PTPRD: variants seen among roughly 807,000 people sequenced by gnomAD.
PTPRD encodes the protein receptor-type tyrosine-protein phosphatase delta.
Under a neutral mutation model 214.5 loss-of-function variants are expected in PTPRD, and 34 were observed. The ratio of observed to expected loss-of-function variants is 0.16; its 90% CI spans 0.12 to 0.21. The LOEUF is 0.21. Ranked by LOEUF, PTPRD falls within the 10% of genes least tolerant of loss-of-function variation. PTPRD has a pLI of 1.00. For synonymous variants in PTPRD, 1,128 were observed against 845.7 expected (o/e 1.33, Z -5.79); for missense variants, 2,545 against 2,398.7 (o/e 1.06, Z -1.27).
At chr9:10,375,187 T>C (rs146385043) in intron 2 of PTPRD, among the ~76,000 whole-genome samples, 104 of 152,186 alleles carry the variant, frequency 6.8e-4, no homozygotes, top group African/African-American at 2.3e-3. Flanking sequence ...CTGGGGCAAG[T>C]AACTAAATTT....
chr9:10,369,669 T>C (rs1435663285), intron 2 of PTPRD, among the ~76,000 whole-genome samples: 1 of 152,112 alleles, frequency 6.6e-6, no homozygotes, highest in African/African-American at 2.4e-5. Context: ...GACTGCTGCC[T>C]AGTCGCCCCA....
intron 14 of PTPRD, among the ~76,000 whole-genome samples, chr9:8,628,355 C>G (rs771585339): frequency 3.3e-5 from 5 of 151,774 alleles, no homozygotes; most frequent in Non-Finnish European, 5.9e-5. Context: ...CTAACAACTG[C>G]CATAATGGCT....
chr9:10,430,829 T>C (rs747058982), intron 2 of PTPRD, among the ~76,000 whole-genome samples: 1 of 152,010 alleles, frequency 6.6e-6, no homozygotes, highest in Non-Finnish European at 1.5e-5. Flanking sequence ...TAAGCCATCA[T>C]ACCCCTTTTT....
intron 10 of PTPRD, among the ~76,000 whole-genome samples, chr9:9,163,428 T>C (rs1343494067): frequency 6.6e-6 from 1 of 152,036 alleles, no homozygotes; most frequent in Non-Finnish European, 1.5e-5. Context: ...ACCTCTCACA[T>C]CTAGTAAATC....
At chr9:9,119,206 A>C (rs2099815246) in intron 10 of PTPRD, among the ~76,000 whole-genome samples, 1 of 152,230 alleles carries the variant, frequency 6.6e-6, no homozygotes, top group Non-Finnish European at 1.5e-5. Context: ...ATCATTTTAT[A>C]GGTTTACCAT....
intron 11 of PTPRD, among the ~76,000 whole-genome samples, chr9:8,892,680 T>A (rs1039439378): frequency 2.3e-5 from 2 of 88,170 alleles, no homozygotes; most frequent in Non-Finnish European, 4.8e-5. Context: ...TGTGTATATA[T>A]ATATGAGTGT....
rs117496832 is a variant in PTPRD at position 9,729,368 on chromosome 9, T to C, written c.-287+5165A>G. On this transcript the variant is annotated intron_variant, in intron 7 of 45. Coordinates refer to ENST00000381196, the MANE Select transcript of PTPRD (RefSeq NM_002839.4). Reference sequence around the variant, plus strand: ...GGAAGAGAAAGACTGAAAATGCACATAGAGGATTTTTATCTCCTCTGCACA... The same window carrying C: ...GGAAGAGAAAGACTGAAAATGCACACAGAGGATTTTTATCTCCTCTGCACA... Among the ~76,000 whole-genome samples, 328 of 152,206 alleles carry C rather than the reference T, an allele frequency of 2.2e-3. 12 individuals carry two copies. In the East Asian group the frequency reaches 0.046, roughly 21 times the overall value.
intron 8 of PTPRD, among the ~76,000 whole-genome samples, chr9:9,468,074 C>G (rs556663606): frequency 6.6e-6 from 1 of 152,060 alleles, no homozygotes; most frequent in Non-Finnish European, 1.5e-5. Context: ...TGGAAATTTA[C>G]TTCTTAGGAT....
intron 11 of PTPRD, among the ~76,000 whole-genome samples, chr9:8,794,515 T>G (rs1291581090): frequency 1.3e-5 from 2 of 151,422 alleles, no homozygotes; most frequent in South Asian, 2.1e-4. Flanking sequence ...AGCCATTTTT[T>G]TTTTTTTTTT....
At chr9:9,518,456 AC>A (rs1362241013) in intron 8 of PTPRD, among the ~76,000 whole-genome samples, 1 of 152,108 alleles carries the variant, frequency 6.6e-6, no homozygotes, top group Admixed American at 6.6e-5. Flanking sequence ...CAGTCATATA[AC>A]AAAATGCATA....
intron 11 of PTPRD, among the ~76,000 whole-genome samples, chr9:8,977,748 A>C (rs1436388893): frequency 6.6e-6 from 1 of 150,464 alleles, no homozygotes; most frequent in Non-Finnish European, 1.5e-5. Context: ...ATAGAAAGTG[A>C]GGTGCCAAGG....
At chr9:8,735,003 G>C (rs1262667791) in intron 11 of PTPRD, among the ~76,000 whole-genome samples, 2 of 152,076 alleles carry the variant, frequency 1.3e-5, no homozygotes, top group African/African-American at 2.4e-5. Context: ...GTTGGAATAG[G>C]GCCTCCCAAA....
At chr9:8,913,876 AG>A (rs1245876429) in intron 11 of PTPRD, among the ~76,000 whole-genome samples, 1 of 152,148 alleles carries the variant, frequency 6.6e-6, no homozygotes, top group Non-Finnish European at 1.5e-5. Flanking sequence ...GGACCATCTA[AG>A]TATTACCTGT....
intron 9 of PTPRD, among the ~76,000 whole-genome samples, chr9:9,230,161 G>A (rs1023101683): frequency 4.6e-5 from 7 of 152,052 alleles, no homozygotes; most frequent in Admixed American, 1.3e-4. Flanking sequence ...TTGAGTTTAT[G>A]CTAATGAGAC....
chr9:10,550,643 C>T (rs1165755860), intron 2 of PTPRD, among the ~76,000 whole-genome samples: 4 of 152,122 alleles, frequency 2.6e-5, no homozygotes, highest in Non-Finnish European at 5.9e-5. Context: ...CACACAAACC[C>T]AAAGGCACAT....
chr9:10,508,061 G>A (rs1312288793), intron 2 of PTPRD, among the ~76,000 whole-genome samples: 1 of 152,110 alleles, frequency 6.6e-6, no homozygotes, highest in African/African-American at 2.4e-5. Flanking sequence ...CTGACAAAGG[G>A]CTAATATCCA....
intron 8 of PTPRD, among the ~76,000 whole-genome samples, chr9:9,505,945 C>T (rs7869896): frequency 0.74 from 111,445 of 151,042 alleles, 42,256 homozygotes; most frequent in African/African-American, 0.92. Flanking sequence ...CTCTCTCATC[C>T]CTAAGTAGGC....
rs145476918 is a variant in PTPRD, at chr9:8,414,500, T to C, written c.4087-9840A>G. On this transcript the variant is annotated intron_variant, in intron 35 of 45. Transcript: ENST00000381196. The stretch of plus-strand genomic sequence containing the variant: ...AATAGTTTTTTTCATTTTTTTGGTT[T>C]GTTTGAACAGTTGTGCTCCCCAAAG... 1.6e-3 allele frequency among the ~76,000 whole-genome samples: 244 copies of C among 152,280 alleles called. 1 individual carries two copies. Among genetic ancestry groups the C allele is most frequent in the Middle Eastern group, 6.8e-3 (2 of 294 alleles).
In PTPRD at chr9:10,233,248, G is replaced by A. The variant is rs187210112; in HGVS notation, c.-545+107715C>T. 4.5e-4 allele frequency among the ~76,000 whole-genome samples: 68 copies of A among 152,076 alleles called. 1 individual carries two copies. The highest frequency in any genetic ancestry group is 1.4e-3 in the African/African-American group (60 of 41,544). ...GACTAAGGTCTAAGAAGGAAAGTGA[G>A]GGGCTTGGATGTACACAGAGGTTGC... On this transcript the variant is annotated intron_variant, in intron 3 of 45. Coordinates refer to ENST00000381196, the MANE Select transcript of PTPRD (RefSeq NM_002839.4).
Sources: gnomAD v4.1 joint callset for allele counts (sites outside exome capture counted in the v4.1 genomes callset) on GRCh38, gnomAD v4.1.1 for gene constraint, MANE v1.5 for transcripts, NCBI Gene and HGNC (gene_info 2026-07-23, HGNC 2026-07-21) for gene names.